ATP8A2: variants seen among roughly 807,000 people sequenced by gnomAD.
The protein encoded by ATP8A2 is ATPase phospholipid transporting 8A2, also known as phospholipid-transporting ATPase IB.
A neutral mutation model predicts 165.6 loss-of-function variants in ATP8A2; 100 were observed. That is an observed-to-expected ratio of 0.60 (90% CI 0.51 to 0.71). ATP8A2 has a LOEUF of 0.71. Ranked by LOEUF, ATP8A2 falls within the 30% of genes least tolerant of loss-of-function variation. The pLI, the probability that ATP8A2 is intolerant of heterozygous loss-of-function variation, is 0.00. For missense variants in ATP8A2, 1,227 were observed against 1,479.5 expected, an observed-to-expected ratio of 0.83 and a Z score of 2.80; for synonymous variants, 543 against 548.8, an observed-to-expected ratio of 0.99 and a Z score of 0.15.
intron 28 of ATP8A2, among the ~76,000 whole-genome samples, chr13:25,834,427 G>T (rs2138632976): frequency 6.6e-6 from 1 of 152,190 alleles, no homozygotes; most frequent in Admixed American, 6.5e-5. Flanking sequence ...AAAAGAAAAA[G>T]TCTGTATGTT....
chr13:25,903,292 C>T (rs1200223679), intron 33 of ATP8A2, among the ~76,000 whole-genome samples: 1 of 152,150 alleles, frequency 6.6e-6, no homozygotes, highest in Non-Finnish European at 1.5e-5. Flanking sequence ...CCTGCCGTTG[C>T]ATTTGAATCT....
At chr13:25,493,256 A>G (rs2036578591) in intron 2 of ATP8A2, among the ~76,000 whole-genome samples, 1 of 152,042 alleles carries the variant, frequency 6.6e-6, no homozygotes, top group African/African-American at 2.4e-5. Context: ...CTCATTAATT[A>G]TTTCTGTCTT....
At chr13:25,388,504 G>C (rs1031366511) in intron 1 of ATP8A2, among the ~76,000 whole-genome samples, 3 of 152,198 alleles carry the variant, frequency 2.0e-5, no homozygotes, top group Non-Finnish European at 4.4e-5. Context: ...GTGATCGATT[G>C]AGCAAGCAGG....
At chr13:25,726,244 G>A (rs1393760707) in intron 25 of ATP8A2, among the ~76,000 whole-genome samples, 1 of 152,152 alleles carries the variant, frequency 6.6e-6, no homozygotes, top group African/African-American at 2.4e-5. Context: ...GTAAAGTGTG[G>A]CTATAGCTAC....
rs1211363140 is a variant in ATP8A2, at chr13:25,953,534, AAAAAAAAAAAAAG to A, written c.3184-8040_3184-8028del. ...ACTCCAGCCTTTTTAAAAAAAAAAA[AAAAAAAAAAAAAG>A]CAAGGGAAATAGGCAAGACGGCCAA... On this transcript the variant is annotated intron_variant, in intron 33 of 36. Transcript: ENST00000381655. The surrounding 1 kb of genome is among the most constrained non-coding windows in gnomAD (Gnocchi z 6.7). 3.6e-5 allele frequency among the ~76,000 whole-genome samples: 5 copies of A among 139,474 alleles called. No individual in the cohort carries two copies. Among genetic ancestry groups the A allele is most frequent in the African/African-American group, 5.4e-5 (2 of 36,896 alleles). 91.5% of individuals were successfully genotyped at this position (139,474 alleles called of 152,430 possible).
At chr13:25,448,748 C>G (rs2035135221) in intron 1 of ATP8A2, among the ~76,000 whole-genome samples, 1 of 152,150 alleles carries the variant, frequency 6.6e-6, no homozygotes, top group Non-Finnish European at 1.5e-5. Flanking sequence ...CTCCCAGGTT[C>G]AAGTGATTGT....
chr13:25,503,901 G>A (rs553654113), intron 2 of ATP8A2, among the ~76,000 whole-genome samples: 1 of 152,128 alleles, frequency 6.6e-6, no homozygotes, highest in Non-Finnish European at 1.5e-5. Flanking sequence ...GCCAAACAAG[G>A]TATGTAGATC....
intron 1 of ATP8A2, among the ~76,000 whole-genome samples, chr13:25,425,364 A>G (rs1198862991): frequency 1.3e-5 from 2 of 152,116 alleles, no homozygotes; most frequent in Non-Finnish European, 2.9e-5. Context: ...TAACTAGGAA[A>G]AACATCAGCT....
intron 33 of ATP8A2, chr13:25,871,216 T>C (rs1952670173): frequency 4.8e-6 from 2 of 412,706 alleles, no homozygotes; most frequent in Non-Finnish European, 9.4e-6. Flanking sequence ...CATTACATGC[T>C]GATTTTGTTT....
chr13:25,478,887 C>G (rs940153546), intron 2 of ATP8A2, among the ~76,000 whole-genome samples: 1 of 150,872 alleles, frequency 6.6e-6, no homozygotes, highest in Non-Finnish European at 1.5e-5. Context: ...CTTGCTGTGT[C>G]ACCAGGCTGG....
intron 33 of ATP8A2, among the ~76,000 whole-genome samples, chr13:25,906,076 G>A (rs1953927557): frequency 6.6e-6 from 1 of 151,980 alleles, no homozygotes; most frequent in Admixed American, 6.6e-5. Context: ...AACTTTACAT[G>A]TCTAAAACAC....
chr13:25,837,338 A>C, intron 29 of ATP8A2, 53 bp downstream of exon 29: 1 of 1,594,946 alleles, frequency 6.3e-7, no homozygotes, highest in Non-Finnish European at 8.6e-7. Context: ...TGGCTGTTTG[A>C]TTCTAGTCAT....
chr13:25,689,340 T>C (rs1315381070), intron 24 of ATP8A2, among the ~76,000 whole-genome samples: 1 of 152,206 alleles, frequency 6.6e-6, no homozygotes, highest in East Asian at 1.9e-4. Flanking sequence ...CAAATAAAGA[T>C]CTTAATGAGA....
chr13:25,655,469 C>T lies in ATP8A2; in HGVS notation c.2212-43704C>T, dbSNP rs574332298. The stretch of plus-strand genomic sequence containing the variant: ...CCACCACACCCAGCCATCAGTGGAG[C>T]TCTTAATGTCATTTAGAACATTATT... On this transcript the variant is annotated intron_variant, in intron 24 of 36. Coordinates refer to ENST00000381655, the MANE Select transcript of ATP8A2 (RefSeq NM_016529.6). Among the ~76,000 whole-genome samples the T allele has an allele frequency of 4.2e-4, 64 of 152,254 alleles. No individual in the cohort carries two copies. The South Asian group carries it at 0.012, about 29-fold the overall frequency.
chr13:25,788,254 C>T (rs772949226), intron 27 of ATP8A2, among the ~76,000 whole-genome samples: 93 of 152,296 alleles, frequency 6.1e-4, no homozygotes, highest in Non-Finnish European at 1.1e-3. Flanking sequence ...AGCAAAGTGC[C>T]GACCACAGAG....
At chr13:25,650,504 A>G (rs1326067109) in intron 24 of ATP8A2, among the ~76,000 whole-genome samples, 2 of 152,134 alleles carry the variant, frequency 1.3e-5, no homozygotes, top group African/African-American at 4.8e-5. Flanking sequence ...TCCAGTTTTT[A>G]TGGTCTATTT....
In ATP8A2 at chr13:25,556,830, C is replaced by T. The variant is rs146952886; in HGVS notation, c.1263+1762C>T. 6.6e-3 allele frequency among the ~76,000 whole-genome samples: 1,003 copies of T among 152,234 alleles called. 8 individuals carry two copies. Among genetic ancestry groups the T allele is most frequent in the Non-Finnish European group, 0.011 (772 of 68,002 alleles). On this transcript the variant is annotated intron_variant, in intron 13 of 36. Transcript: ENST00000381655. ...AGATTGGGGACTTCGGGTTGTCTGTCGAGATCTGGCTGTTCCAAGCTTCCC... is the reference window on the plus strand; with the variant it reads ...AGATTGGGGACTTCGGGTTGTCTGTTGAGATCTGGCTGTTCCAAGCTTCCC...
At chr13:25,559,937 C>T (rs1005038050) in intron 15 of ATP8A2, among the ~76,000 whole-genome samples, 172 bp downstream of exon 15, 1 of 152,176 alleles carries the variant, frequency 6.6e-6, no homozygotes, top group Non-Finnish European at 1.5e-5. Context: ...AAGTGATCCT[C>T]CTGCCTCAGC....
At chr13:25,658,107 C>T (rs1333504646) in intron 24 of ATP8A2, among the ~76,000 whole-genome samples, 1 of 152,066 alleles carries the variant, frequency 6.6e-6, no homozygotes, top group African/African-American at 2.4e-5. Flanking sequence ...CTGGTAGGGA[C>T]GTGCACACTC....
Sources: gnomAD v4.1 joint callset for allele counts (sites outside exome capture counted in the v4.1 genomes callset) on GRCh38, gnomAD v4.1.1 for gene constraint, Gnocchi (gnomAD v3.1) non-coding constraint, MANE v1.5 for transcripts, NCBI Gene and HGNC (gene_info 2026-07-23, HGNC 2026-07-21) for gene names.